Variants in CASK observed in about 807,000 individuals in gnomAD.
CASK encodes the protein peripheral plasma membrane protein CASK.
CASK carries 4 observed loss-of-function variants against 82.9 expected under a neutral mutation model. The ratio of observed to expected loss-of-function variants is 0.05; its 90% CI spans 0.02 to 0.11. CASK has a LOEUF of 0.11. Ranked by LOEUF, CASK falls within the 10% of genes least tolerant of loss-of-function variation. The probability of loss-of-function intolerance (pLI) is 1.00; values close to 1 mark genes in which losing one functional copy is unlikely to be tolerated. For missense variants in CASK, 358 were observed against 720.9 expected (o/e 0.50, Z 5.76); for synonymous variants, 259 against 253.5 (o/e 1.02, Z -0.20).
chrX:41,875,157 A>G (rs1024338493), intron 1 of CASK, among the ~76,000 whole-genome samples: 1 of 112,557 alleles, frequency 8.9e-6, no homozygotes, highest in African/African-American at 3.2e-5. Flanking sequence ...AATAGTTTCA[A>G]TAATGTGATC....
rs769839344 is a variant in CASK, at chrX:41,516,578, C to T, written c.*3842G>A. ...CCTTTAACTTATTACAGCCTGTAAT[C>T]GCTCTCAGTATTGTAAGCCCTAGTC... On this transcript the variant is annotated 3_prime_UTR_variant, in exon 27 of 27. Coordinates refer to ENST00000378163, the MANE Select transcript of CASK (RefSeq NM_001367721.1). The T allele has an allele frequency of 1.8e-5, 2 of 111,653 alleles. No individual in the cohort carries two copies. The highest frequency in any genetic ancestry group is 7.5e-4 in the South Asian group (2 of 2,650). The allele number at this position is 111,653 out of a possible 1,213,427, so 9.2% of individuals were successfully genotyped here. A position where few individuals can be genotyped will look rare whatever the true frequency, so the allele number is the denominator to read the frequency against.
intron 2 of CASK, among the ~76,000 whole-genome samples, chrX:41,828,587 T>C (rs2070719173): frequency 8.9e-6 from 1 of 111,942 alleles, no homozygotes; most frequent in Non-Finnish European, 1.9e-5. Flanking sequence ...CCTCAATCAG[T>C]AGTCTTAAAA....
chrX:41,879,421 A>G (rs759411625), intron 1 of CASK, among the ~76,000 whole-genome samples: 1 of 111,617 alleles, frequency 9.0e-6, no homozygotes, highest in South Asian at 3.7e-4. Flanking sequence ...TAATAATAAA[A>G]TAGAATAATT....
intron 11 of CASK, among the ~76,000 whole-genome samples, chrX:41,613,873 T>A (rs939639222): frequency 8.9e-6 from 1 of 112,058 alleles, no homozygotes; most frequent in Non-Finnish European, 1.9e-5. Context: ...AAATGCTATA[T>A]AAGCTACTGA....
chrX:41,676,641 A>G (rs922127372), intron 5 of CASK: 1 of 468,432 alleles, frequency 2.1e-6, no homozygotes, highest in African/African-American at 2.4e-5. Context: ...AAATCACCAT[A>G]AGGTTTTGAA....
intron 11 of CASK, among the ~76,000 whole-genome samples, chrX:41,610,760 C>G (rs1397983508): frequency 9.0e-6 from 1 of 111,405 alleles, no homozygotes; most frequent in Non-Finnish European, 1.9e-5. Flanking sequence ...TTCTCATAAC[C>G]AGGAAACCAG....
At chrX:41,813,230 G>A (rs2070337999) in intron 2 of CASK, among the ~76,000 whole-genome samples, 1 of 111,332 alleles carries the variant, frequency 9.0e-6, no homozygotes, top group Non-Finnish European at 1.9e-5. Context: ...TCACGAAATT[G>A]GAAAAAACTA....
chrX:41,655,221 C>T (rs1347292041), intron 8 of CASK, among the ~76,000 whole-genome samples: 1 of 111,153 alleles, frequency 9.0e-6, no homozygotes, highest in Non-Finnish European at 1.9e-5. Flanking sequence ...AACTAGGCAC[C>T]AGTAAGATTG....
At position 41,828,474 on chromosome X, in the gene CASK, T is replaced by TA. The variant is rs201179000; in HGVS notation, c.172+24640dup. Among the ~76,000 whole-genome samples, 438 of 111,550 alleles carry TA rather than the reference T, an allele frequency of 3.9e-3. 1 individual carries two copies. The highest frequency in any genetic ancestry group is 5.5e-3 in the Non-Finnish European group (294 of 53,050). ...ATTTTCATTCATATATTAAAACTGT[T>TA]AAAAAAATACTACACATTATAGAGA... On this transcript the variant is annotated intron_variant, in intron 2 of 26. Transcript: ENST00000378163.
chrX:41,659,034 G>A (rs1243462479), intron 8 of CASK, among the ~76,000 whole-genome samples: 2 of 110,987 alleles, frequency 1.8e-5, no homozygotes, highest in Non-Finnish European at 3.8e-5. Flanking sequence ...ATATAAGAGT[G>A]TGCATAATAC....
At chrX:41,720,483 A>C (rs1367418981) in intron 5 of CASK, among the ~76,000 whole-genome samples, 1 of 112,779 alleles carries the variant, frequency 8.9e-6, no homozygotes, top group Non-Finnish European at 1.9e-5. Context: ...GATTTAAAGA[A>C]ATAATTATCT....
chrX:41,661,843 T>C (rs933036982), intron 7 of CASK, among the ~76,000 whole-genome samples: 1 of 110,829 alleles, frequency 9.0e-6, no homozygotes, highest in African/African-American at 3.3e-5. Context: ...CTTTTCATCC[T>C]AGTGAAATTG....
At chrX:41,609,430 A>G (rs1234273099) in intron 12 of CASK, among the ~76,000 whole-genome samples, 1 of 112,158 alleles carries the variant, frequency 8.9e-6, no homozygotes, top group Non-Finnish European at 1.9e-5. Flanking sequence ...CTGTATTTCA[A>G]TCATGAATTT....
rs1027794677 is a variant in CASK at position 41,517,738 on chromosome X, T to C, written c.*2682A>G. 5.1e-5 allele frequency: 33 copies of C among 646,286 alleles called. 1 individual carries two copies. The East Asian group carries it at 1.2e-3, about 23-fold the overall frequency. 53.3% of individuals were successfully genotyped at this position (646,286 alleles called of 1,213,427 possible). A position where few individuals can be genotyped will look rare whatever the true frequency, so the allele number is the denominator to read the frequency against. On this transcript the variant is annotated 3_prime_UTR_variant, in exon 27 of 27. Coordinates refer to ENST00000378163, the MANE Select transcript of CASK (RefSeq NM_001367721.1). ...TAAAGAAGCTTTTAGCAATTTTCTC[T>C]GATTGCTTAGTGGACAATTGTAATG... is the stretch of plus-strand genomic sequence containing the variant.
At chrX:41,821,774 T>G (rs2070547706) in intron 2 of CASK, among the ~76,000 whole-genome samples, 1 of 112,228 alleles carries the variant, frequency 8.9e-6, no homozygotes. Flanking sequence ...CAAAAGGATG[T>G]CTCTCTCAAT....
intron 12 of CASK, among the ~76,000 whole-genome samples, chrX:41,599,936 T>C (rs756371681): frequency 3.6e-5 from 4 of 112,211 alleles, no homozygotes; most frequent in Non-Finnish European, 7.5e-5. Context: ...CTTTTTAGTA[T>C]CAGATACAAG....
chrX:41,758,831 A>C (rs1274902986), intron 3 of CASK, among the ~76,000 whole-genome samples: 1 of 112,487 alleles, frequency 8.9e-6, no homozygotes, highest in Non-Finnish European at 1.9e-5. Context: ...ACTGTTTAAT[A>C]AAGCAATTCT....
chrX:41,632,097 A>T (rs1343350093), intron 9 of CASK, among the ~76,000 whole-genome samples: 1 of 110,216 alleles, frequency 9.1e-6, no homozygotes, highest in Non-Finnish European at 1.9e-5. Flanking sequence ...CACCCGGCAA[A>T]TTTTTTATTT....
chrX:41,652,213 G>T (rs1383217357), intron 8 of CASK, among the ~76,000 whole-genome samples: 2 of 111,026 alleles, frequency 1.8e-5, no homozygotes, highest in South Asian at 3.8e-4. Context: ...AATGGAGTAA[G>T]CAGGGAGAGT....
Sources: allele counts gnomAD v4.1 joint callset (sites outside exome capture counted in the v4.1 genomes callset), GRCh38; gene constraint gnomAD v4.1.1; transcripts MANE v1.5; gene names NCBI Gene and HGNC (gene_info 2026-07-23, HGNC 2026-07-21).